Variants in SLC24A2 observed in about 807,000 individuals in gnomAD.
SLC24A2 encodes sodium/potassium/calcium exchanger 2.
Under a neutral mutation model 62.0 loss-of-function variants are expected in SLC24A2, and 36 were observed. That is an observed-to-expected ratio of 0.58 (90% confidence interval 0.44 to 0.77). The LOEUF (loss-of-function observed/expected upper bound fraction) is 0.77, where lower values mean the gene tolerates loss of function less well. Ranked by LOEUF, SLC24A2 falls within the 30% of genes least tolerant of loss-of-function variation. The pLI is 0.00. For missense variants in SLC24A2, 846 were observed against 817.9 expected (o/e 1.03, Z -0.42); for synonymous variants, 358 against 294.0 (o/e 1.22, Z -2.23).
At chr9:19,759,371 C>T (rs1216071048) in intron 2 of SLC24A2, among the ~76,000 whole-genome samples, 2 of 152,134 alleles carry the variant, frequency 1.3e-5, no homozygotes, top group Non-Finnish European at 2.9e-5. Flanking sequence ...TGAGATTGGA[C>T]CAGATAAGAT....
At chr9:20,068,606 T>A in the SLC24A2 span, among the ~76,000 whole-genome samples, 73 of 152,174 alleles carry the variant, frequency 4.8e-4, no homozygotes, top group Non-Finnish European at 9.4e-4. Context: ...TTGGGGATGC[T>A]TATATTGCCA....
chr9:19,561,231 G>A (rs1054002411), intron 7 of SLC24A2, among the ~76,000 whole-genome samples: 4 of 150,256 alleles, frequency 2.7e-5, no homozygotes, highest in South Asian at 2.1e-4. Context: ...CACCTGGCCT[G>A]TATTTGTATT....
At chr9:19,803,225 G>A in the SLC24A2 span, among the ~76,000 whole-genome samples, 10 of 152,126 alleles carry the variant, frequency 6.6e-5, no homozygotes, top group Non-Finnish European at 1.3e-4. Flanking sequence ...AAATGAGAAT[G>A]CTTCTTTTGG....
intron 2 of SLC24A2, among the ~76,000 whole-genome samples, chr9:19,745,390 A>G (rs1471825031): frequency 6.6e-6 from 1 of 152,180 alleles, no homozygotes; most frequent in East Asian, 1.9e-4. Flanking sequence ...GTATGTACAT[A>G]TCTCCATACA....
the SLC24A2 span, among the ~76,000 whole-genome samples, chr9:20,205,673 AAC>A: frequency 4.5e-3 from 632 of 139,814 alleles, 4 homozygotes; most frequent in East Asian, 0.027. Context: ...AAAAAAAAAA[AAC>A]AAACAAAAAA....
At chr9:20,052,231 T>C in the SLC24A2 span, among the ~76,000 whole-genome samples, 3 of 152,166 alleles carry the variant, frequency 2.0e-5, no homozygotes, top group Non-Finnish European at 4.4e-5. Flanking sequence ...GTAAACAGCA[T>C]TGTCATGTTT....
At chr9:19,533,612 G>A (rs928907397) in intron 8 of SLC24A2, among the ~76,000 whole-genome samples, 6 of 152,318 alleles carry the variant, frequency 3.9e-5, no homozygotes, top group Middle Eastern at 6.8e-3. Flanking sequence ...AGAGTATGTG[G>A]AGCAGAGACA....
At chr9:19,726,484 C>G (rs1214870299) in intron 2 of SLC24A2, among the ~76,000 whole-genome samples, 1 of 152,152 alleles carries the variant, frequency 6.6e-6, no homozygotes, top group African/African-American at 2.4e-5. Context: ...AAAGAGCAAT[C>G]AGAAAGCACA....
chr9:20,123,296 T>G, the SLC24A2 span, among the ~76,000 whole-genome samples: 2 of 152,204 alleles, frequency 1.3e-5, no homozygotes, highest in African/African-American at 4.8e-5. Context: ...AAGGCCCCAC[T>G]GCCTAATACT....
At position 19,514,681 on chromosome 9, in the gene SLC24A2, G is replaced by A. The variant is rs1832857725; in HGVS notation, c.*1472C>T. The A allele has an allele frequency of 6.6e-6, 1 of 151,570 alleles. No homozygotes were observed. Among genetic ancestry groups the A allele is most frequent in the African/African-American group, 2.4e-5 (1 of 40,864 alleles). 9.4% of individuals were successfully genotyped at this position (151,570 alleles called of 1,614,324 possible). A position where few individuals can be genotyped will look rare whatever the true frequency, so the allele number is the denominator to read the frequency against. ...GTGAATAGCTTGAAACCAGTATAAG[G>A]AAGCTGTCAAATACCGTGTACTCTA... On this transcript the variant is annotated 3_prime_UTR_variant, in exon 11 of 11. Transcript: ENST00000341998.
chr9:19,598,419 AT>A (rs1836762197), intron 4 of SLC24A2, among the ~76,000 whole-genome samples: 1 of 152,196 alleles, frequency 6.6e-6, no homozygotes. Context: ...TGTATTTCAT[AT>A]TTGTATGATA....
chr9:20,263,861 G>GCCA, the SLC24A2 span, among the ~76,000 whole-genome samples: 1 of 30,840 alleles, frequency 3.2e-5, no homozygotes, highest in Non-Finnish European at 6.8e-5. Context: ...TATCCCACCC[G>GCCA]CCCCCCCCCC....
the SLC24A2 span, among the ~76,000 whole-genome samples, chr9:19,840,238 A>G: frequency 3.3e-5 from 5 of 152,196 alleles, no homozygotes; most frequent in Non-Finnish European, 1.5e-5. Context: ...ATGGAGGTAA[A>G]CACTACTATT....
the SLC24A2 span, among the ~76,000 whole-genome samples, chr9:20,300,265 A>G: frequency 0.21 from 31,726 of 152,206 alleles, 4,176 homozygotes; most frequent in South Asian, 0.54. Flanking sequence ...TGTTAAAAAC[A>G]ATCCAATTAT....
At chr9:19,737,343 T>C (rs948715566) in intron 2 of SLC24A2, among the ~76,000 whole-genome samples, 4 of 152,182 alleles carry the variant, frequency 2.6e-5, no homozygotes, top group Non-Finnish European at 4.4e-5. Context: ...GACTGAAAAT[T>C]AGCAAAATGT....
chr9:19,768,477 C>A (rs1282545667), intron 2 of SLC24A2, among the ~76,000 whole-genome samples: 1 of 152,100 alleles, frequency 6.6e-6, no homozygotes, highest in African/African-American at 2.4e-5. Context: ...CCCAAGACCC[C>A]CACTGGATAC....
intron 2 of SLC24A2, among the ~76,000 whole-genome samples, chr9:19,679,408 G>T (rs1002526929): frequency 1.3e-5 from 2 of 152,226 alleles, no homozygotes; most frequent in African/African-American, 4.8e-5. Flanking sequence ...TACTGGGGAG[G>T]CTGGACAATC....
intron 8 of SLC24A2, among the ~76,000 whole-genome samples, chr9:19,548,958 T>C (rs955322561): frequency 6.6e-6 from 1 of 152,194 alleles, no homozygotes; most frequent in Non-Finnish European, 1.5e-5. Flanking sequence ...TGTGGTCCTA[T>C]ACTAAGAAGT....
chr9:19,883,423 C>T, the SLC24A2 span, among the ~76,000 whole-genome samples: 56,431 of 151,960 alleles, frequency 0.37, 11,193 homozygotes, highest in African/African-American at 0.52. Flanking sequence ...AAATAAAAAC[C>T]AGACTGTAGC....
Sources: allele counts gnomAD v4.1 joint callset (sites outside exome capture counted in the v4.1 genomes callset), GRCh38; gene constraint gnomAD v4.1.1; transcripts MANE v1.5; gene names NCBI Gene and HGNC (gene_info 2026-07-23, HGNC 2026-07-21).